TRDN: variants seen among roughly 807,000 people sequenced by gnomAD.
TRDN encodes the protein triadin in skeletal muscle.
A neutral mutation model predicts 149.7 loss-of-function variants in TRDN; 161 were observed. The ratio of observed to expected loss-of-function variants is 1.08; its 90% CI spans 0.95 to 1.23. TRDN has a LOEUF of 1.23. Among genes scored for constraint, TRDN ranks in the 50% most tolerant of loss-of-function variants. The pLI, the probability that TRDN is intolerant of heterozygous loss-of-function variation, is 0.00. For synonymous variants in TRDN, 294 were observed against 250.5 expected (o/e 1.17, Z -1.64); for missense variants, 896 against 823.5 (o/e 1.09, Z -1.08).
In TRDN at chr6:123,507,941, T is replaced by A. The variant is rs117287272; in HGVS notation, c.611-4040A>T. Among the ~76,000 whole-genome samples the A allele has an allele frequency of 1.1e-4, 16 of 151,870 alleles. No individual in the cohort carries two copies. In the East Asian group the frequency reaches 3.1e-3, roughly 30 times the overall value. On this transcript the variant is annotated intron_variant, in intron 7 of 40. Coordinates refer to ENST00000334268, the MANE Select transcript of TRDN (RefSeq NM_006073.4). ...ATAACAAATTTTCTCTCTCATTCCA[T>A]AAAGAACTGCAAACTGCTTAACTTT...
chr6:123,464,805 T>C, intron 10 of TRDN, 101 bp downstream of exon 10: 1 of 1,504,496 alleles, frequency 6.6e-7, no homozygotes, highest in South Asian at 1.3e-5. Flanking sequence ...TAAGAAAATA[T>C]TGGATTTTGC....
intron 24 of TRDN, among the ~76,000 whole-genome samples, chr6:123,308,756 T>C (rs1426309369): frequency 6.6e-6 from 1 of 152,014 alleles, no homozygotes; most frequent in Non-Finnish European, 1.5e-5. Flanking sequence ...CCTATTATTT[T>C]CATATGAAAC....
intron 21 of TRDN, among the ~76,000 whole-genome samples, chr6:123,339,717 A>T (rs1808620): frequency 0.18 from 28,146 of 152,218 alleles, 3,560 homozygotes; most frequent in East Asian, 0.63. Context: ...CCAGAAAGTG[A>T]ACAATTATTT....
intron 12 of TRDN, among the ~76,000 whole-genome samples, chr6:123,395,113 A>G (rs1772668145): frequency 6.6e-6 from 1 of 152,236 alleles, no homozygotes; most frequent in Non-Finnish European, 1.5e-5. Flanking sequence ...TTTGTAATTA[A>G]ATTTTAAAGA....
intron 10 of TRDN, among the ~76,000 whole-genome samples, chr6:123,449,644 T>G (rs1023090592): frequency 5.3e-5 from 8 of 152,058 alleles, no homozygotes; most frequent in Non-Finnish European, 1.5e-5. Flanking sequence ...TAAAACATAT[T>G]TGGGGGAATA....
At chr6:123,259,926 CT>C (rs34349935) in intron 34 of TRDN, among the ~76,000 whole-genome samples, 1 of 151,632 alleles carries the variant, frequency 6.6e-6, no homozygotes, top group African/African-American at 2.4e-5. Flanking sequence ...CCTCCTACTT[CT>C]TTTTTTCCTC....
At chr6:123,628,374 A>G (rs1193322851) in intron 1 of TRDN, among the ~76,000 whole-genome samples, 1 of 152,146 alleles carries the variant, frequency 6.6e-6, no homozygotes, top group Non-Finnish European at 1.5e-5. Flanking sequence ...AGCAGTCAGA[A>G]CACACATATT....
chr6:123,564,412 G>A (rs994034729), intron 2 of TRDN, among the ~76,000 whole-genome samples: 14 of 152,248 alleles, frequency 9.2e-5, no homozygotes, highest in Middle Eastern at 6.8e-3. Context: ...GTGTGTGTGT[G>A]TATATGAGTG....
intron 23 of TRDN, among the ~76,000 whole-genome samples, chr6:123,329,389 AAAG>A (rs1779582770): frequency 6.6e-6 from 1 of 152,144 alleles, no homozygotes; most frequent in South Asian, 2.1e-4. Context: ...CTAATTACTA[AAAG>A]AAGTGTTAAA....
chr6:123,286,656 G>A (rs181522089), intron 24 of TRDN, among the ~76,000 whole-genome samples: 4 of 151,722 alleles, frequency 2.6e-5, no homozygotes, highest in African/African-American at 4.8e-5. Flanking sequence ...AATACCACCC[G>A]TTCCCCCAAA....
intron 8 of TRDN, among the ~76,000 whole-genome samples, chr6:123,499,761 T>G: frequency 7.6e-6 from 1 of 131,298 alleles, no homozygotes. Context: ...GCTACCATGG[T>G]TGGGTCTGTA....
intron 9 of TRDN, among the ~76,000 whole-genome samples, chr6:123,479,122 G>T (rs1421746175): frequency 6.6e-6 from 1 of 152,138 alleles, no homozygotes; most frequent in Non-Finnish European, 1.5e-5. Flanking sequence ...GTGTTTTAAT[G>T]TGAACAGACT....
At position 123,488,267 on chromosome 6, in the gene TRDN, A is replaced by G. The variant is rs536191203; in HGVS notation, c.853+8926T>C. Among the ~76,000 whole-genome samples the G allele has an allele frequency of 2.4e-3, 360 of 151,952 alleles. 1 individual carries two copies. Among genetic ancestry groups the G allele is most frequent in the African/African-American group, 8.3e-3 (343 of 41,240 alleles). On this transcript the variant is annotated intron_variant, in intron 9 of 40. Transcript: ENST00000334268. ...ACAGTTTGCTGTGAGAATTAATGAG[A>G]TAAGTATGCAAAAAAATGGTAATGA...
intron 1 of TRDN, among the ~76,000 whole-genome samples, chr6:123,572,911 CAA>C (rs903103486): frequency 1.3e-4 from 20 of 152,156 alleles, no homozygotes; most frequent in Admixed American, 1.2e-3. Flanking sequence ...ACATTTTTCA[CAA>C]AGTCAGTTTT....
intron 21 of TRDN, chr6:123,349,724 A>C: frequency 1.0e-6 from 1 of 981,146 alleles, no homozygotes. Flanking sequence ...GGAAATCATT[A>C]CTCTTAGATA....
chr6:123,421,677 G>C (rs1773908477), intron 12 of TRDN: 1 of 152,054 alleles, frequency 6.6e-6, no homozygotes, highest in South Asian at 2.1e-4. Context: ...TGCAGATCAG[G>C]AATATTTGGG....
chr6:123,559,556 G>A (rs74740489), intron 2 of TRDN, among the ~76,000 whole-genome samples: 8 of 151,970 alleles, frequency 5.3e-5, no homozygotes, highest in Non-Finnish European at 8.8e-5. Flanking sequence ...CTTGGCAACC[G>A]ATCATGCACC....
intron 5 of TRDN, among the ~76,000 whole-genome samples, chr6:123,521,812 A>T (rs1337822119): frequency 6.6e-6 from 1 of 152,106 alleles, no homozygotes. Flanking sequence ...GACTTACTCA[A>T]CAACTGAGGT....
intron 4 of TRDN, among the ~76,000 whole-genome samples, chr6:123,545,261 T>C (rs1242752659): frequency 6.6e-6 from 1 of 151,892 alleles, no homozygotes; most frequent in South Asian, 2.1e-4. Context: ...CATTTGTAAA[T>C]GTAAACATGA....
Sources: gnomAD v4.1 joint callset for allele counts (sites outside exome capture counted in the v4.1 genomes callset) on GRCh38, gnomAD v4.1.1 for gene constraint, MANE v1.5 for transcripts, NCBI Gene and HGNC (gene_info 2026-07-23, HGNC 2026-07-21) for gene names.